The following NOL4 variants were observed in gnomAD, a reference collection of about 807,000 sequenced individuals.
NOL4 encodes the protein cancer/testis antigen 125.
A neutral mutation model predicts 75.9 loss-of-function variants in NOL4; 17 were observed. The ratio of observed to expected loss-of-function variants is 0.22; its 90% confidence interval spans 0.15 to 0.34. The LOEUF (loss-of-function observed/expected upper bound fraction) is 0.34. Ranked by LOEUF, NOL4 falls within the 10% of genes least tolerant of loss-of-function variation. The probability of loss-of-function intolerance (pLI) is 1.00; values close to 1 mark genes in which losing one functional copy is unlikely to be tolerated. For synonymous variants in NOL4, 292 were observed against 289.9 expected (o/e 1.01, Z -0.07); for missense variants, 614 against 793.5 (o/e 0.77, Z 2.72).
intron 1 of NOL4, among the ~76,000 whole-genome samples, chr18:34,212,395 A>C (rs1037148833): frequency 2.6e-5 from 4 of 152,222 alleles, no homozygotes; most frequent in African/African-American, 9.7e-5. Context: ...CCTAAACCAC[A>C]AATAATCTTG....
Position 33,883,294 on chromosome 18 carries a change from T to C in NOL4, c.1673A>G (p.Tyr558Cys), listed in dbSNP as rs746485009. The C allele has an allele frequency of 1.2e-6, 2 of 1,612,898 alleles. No individual in the cohort carries two copies. The highest frequency in any genetic ancestry group is 1.7e-6 in the Non-Finnish European group (2 of 1,179,262). ...NGNGTYSYHS[Y>C]RGLGGGLLNL... ...TAGCAGACCCCCTCCTAGCCCTCTGTAACTATGGTAACTATAGGTCCCATT... is the reference window on the plus strand; with the variant it reads ...TAGCAGACCCCCTCCTAGCCCTCTGCAACTATGGTAACTATAGGTCCCATT... Residue 558 changes from tyrosine to cysteine, a missense_variant, in exon 10 of 11, where the codon TAC (tyrosine) becomes TGC (cysteine). Physicochemically the swap from Tyr to Cys is radical, Grantham distance 194. Transcript: ENST00000261592.
At chr18:34,210,636 A>G (rs1291518180) in intron 1 of NOL4, among the ~76,000 whole-genome samples, 1 of 152,212 alleles carries the variant, frequency 6.6e-6, no homozygotes, top group Non-Finnish European at 1.5e-5. Context: ...TTAGTTCACT[A>G]GTGAAGCTCT....
intron 1 of NOL4, among the ~76,000 whole-genome samples, chr18:34,143,261 A>T (rs2146017392): frequency 6.6e-6 from 1 of 152,286 alleles, no homozygotes; most frequent in African/African-American, 2.4e-5. Context: ...TCTCTTGAAA[A>T]CATACATAAT....
chr18:34,208,325 T>C (rs1369818589), intron 1 of NOL4, among the ~76,000 whole-genome samples: 1 of 152,022 alleles, frequency 6.6e-6, no homozygotes, highest in African/African-American at 2.4e-5. Context: ...GGTAGTTTTC[T>C]AGAAACAAAG....
chr18:34,010,309 C>T (rs987875619), intron 6 of NOL4, among the ~76,000 whole-genome samples: 1 of 151,862 alleles, frequency 6.6e-6, no homozygotes, highest in Non-Finnish European at 1.5e-5. Flanking sequence ...TCAGTTCCAT[C>T]CGTGTTGTTA....
At chr18:34,209,115 G>A (rs2036328799) in intron 1 of NOL4, among the ~76,000 whole-genome samples, 1 of 147,884 alleles carries the variant, frequency 6.8e-6, no homozygotes, top group Non-Finnish European at 1.5e-5. Context: ...GGAGGCTGAG[G>A]CAGGAGAACT....
chr18:34,222,253 C>A, intron 1 of NOL4: 2 of 1,393,274 alleles, frequency 1.4e-6, no homozygotes, highest in Non-Finnish European at 1.9e-6. Context: ...CAAATACACA[C>A]ACCATTCGAT....
At chr18:33,941,541 A>G (rs8099456) in intron 9 of NOL4, among the ~76,000 whole-genome samples, 2,167 of 151,994 alleles carry the variant, frequency 0.014, 56 homozygotes, top group African/African-American at 0.05. Context: ...TATCAATACA[A>G]TGACAAAACA....
At chr18:33,871,267 A>G (rs572379503) in intron 10 of NOL4, among the ~76,000 whole-genome samples, 12 of 152,162 alleles carry the variant, frequency 7.9e-5, no homozygotes, top group African/African-American at 2.9e-4. Context: ...GAATGATTCA[A>G]GTAGACAGAC....
chr18:33,995,298 A>AGT (rs1486549821), intron 6 of NOL4, among the ~76,000 whole-genome samples: 15 of 151,748 alleles, frequency 9.9e-5, no homozygotes, highest in Non-Finnish European at 1.9e-4. Flanking sequence ...AGCTACAGAC[A>AGT]TCACAAAGAA....
intron 6 of NOL4, among the ~76,000 whole-genome samples, chr18:34,015,853 CA>C (rs1277695220): frequency 6.6e-6 from 1 of 152,088 alleles, no homozygotes; most frequent in African/African-American, 2.4e-5. Flanking sequence ...TCCACTTAGG[CA>C]ACAAAGCCAA....
At chr18:34,061,920 G>A (rs2077078593) in intron 5 of NOL4, among the ~76,000 whole-genome samples, 1 of 152,028 alleles carries the variant, frequency 6.6e-6, no homozygotes, top group East Asian at 1.9e-4. Context: ...CTCTAGTCAT[G>A]TTATCAGGAA....
intron 6 of NOL4, among the ~76,000 whole-genome samples, chr18:33,967,790 TA>T (rs2070723236): frequency 6.6e-6 from 1 of 152,084 alleles, no homozygotes; most frequent in African/African-American, 2.4e-5. Context: ...TGGCTATTAT[TA>T]AAAAGTCAAA....
intron 6 of NOL4, among the ~76,000 whole-genome samples, chr18:34,008,604 A>G (rs2074192897): frequency 6.6e-6 from 1 of 151,984 alleles, no homozygotes; most frequent in Non-Finnish European, 1.5e-5. Flanking sequence ...GCACATTGTG[A>G]TTTGAGAATC....
Position 33,957,089 on chromosome 18 carries a change from C to T in NOL4, c.1428+237G>A, listed in dbSNP as rs1369542310. 4.0e-5 allele frequency among the ~76,000 whole-genome samples: 6 copies of T among 151,816 alleles called. No homozygotes were observed. In the South Asian group the frequency reaches 1.0e-3, roughly 26 times the overall value. The stretch of plus-strand genomic sequence containing the variant: ...CTTTATTTTCTGTGACATGGTACCA[C>T]GTGGTTCTGTGAGCACTGGACTCAC... On this transcript the variant is annotated intron_variant, in intron 8 of 10. Transcript: ENST00000261592.
At chr18:33,950,787 T>A (rs1210571540) in intron 8 of NOL4, among the ~76,000 whole-genome samples, 1 of 152,154 alleles carries the variant, frequency 6.6e-6, no homozygotes, top group Non-Finnish European at 1.5e-5. Flanking sequence ...GTTGACTTAG[T>A]CCTTCAAGTA....
At chr18:34,057,931 T>C (rs1329008272) in intron 5 of NOL4, among the ~76,000 whole-genome samples, 1 of 152,240 alleles carries the variant, frequency 6.6e-6, no homozygotes, top group African/African-American at 2.4e-5. Flanking sequence ...ATTTCAGGAA[T>C]TGTAAATGAC....
chr18:33,884,196 T>C (rs1210366099), intron 9 of NOL4, among the ~76,000 whole-genome samples: 1 of 152,136 alleles, frequency 6.6e-6, no homozygotes, highest in African/African-American at 2.4e-5. Flanking sequence ...GTTGGGTTCT[T>C]GAAATCCATT....
At chr18:33,939,261 C>T (rs867377483) in intron 9 of NOL4, among the ~76,000 whole-genome samples, 4 of 152,042 alleles carry the variant, frequency 2.6e-5, no homozygotes, top group African/African-American at 7.2e-5. Context: ...GCTATATGGG[C>T]TCTTTTTTGG....
Sources: gnomAD v4.1 joint callset for allele counts (sites outside exome capture counted in the v4.1 genomes callset) on GRCh38, gnomAD v4.1.1 for gene constraint, MANE v1.5 for transcripts, NCBI Gene and HGNC (gene_info 2026-07-23, HGNC 2026-07-21) for gene names.